DLG5: variants seen among roughly 807,000 people sequenced by gnomAD.
The protein encoded by DLG5 is discs large MAGUK scaffold protein 5.
In DLG5, 48 loss-of-function variants were observed where a neutral mutation model predicts 189.8. That is an observed-to-expected ratio of 0.25 (90% CI 0.20 to 0.32). The LOEUF is 0.32. DLG5 is among the 10% of genes least tolerant of loss of function. The probability of loss-of-function intolerance (pLI) is 1.00; values close to 1 mark genes in which losing one functional copy is unlikely to be tolerated. For synonymous variants in DLG5, 1,016 were observed against 1,054.1 expected, an observed-to-expected ratio of 0.96 and a Z score of 0.70; for missense variants, 2,160 against 2,544.7, an observed-to-expected ratio of 0.85 and a Z score of 3.25.
intron 27 of DLG5, among the ~76,000 whole-genome samples, chr10:77,798,394 A>C (rs1434575960): frequency 6.6e-6 from 1 of 152,046 alleles, no homozygotes; most frequent in East Asian, 1.9e-4. Context: ...TTCCTCCGAG[A>C]GGAGTTTACA....
At chr10:77,792,662 C>T in intron 31 of DLG5, 119 bp from the exon 32 acceptor site, 1 of 889,568 alleles carries the variant, frequency 1.1e-6, no homozygotes, top group Non-Finnish European at 1.8e-6. Context: ...CTCCTTGGCA[C>T]TCTGCTCCAT....
At chr10:77,880,180 G>A (rs974010953) in intron 1 of DLG5, among the ~76,000 whole-genome samples, 8 of 152,148 alleles carry the variant, frequency 5.3e-5, no homozygotes, top group South Asian at 4.2e-4. Context: ...ACAGCCGGGT[G>A]CAGTGGCTCA....
chr10:77,838,967 A>G (rs1843285547), intron 7 of DLG5, among the ~76,000 whole-genome samples: 1 of 152,224 alleles, frequency 6.6e-6, no homozygotes. Flanking sequence ...GGGCCTGGAA[A>G]AGATCCCTGC....
intron 1 of DLG5, among the ~76,000 whole-genome samples, chr10:77,897,970 C>G (rs1161794477): frequency 6.6e-6 from 1 of 152,116 alleles, no homozygotes; most frequent in African/African-American, 2.4e-5. Flanking sequence ...TAGCATAGCC[C>G]CTGAGGCTCC....
At chr10:77,878,520 G>A (rs1564570735) in intron 1 of DLG5, among the ~76,000 whole-genome samples, 1 of 152,126 alleles carries the variant, frequency 6.6e-6, no homozygotes, top group Non-Finnish European at 1.5e-5. Context: ...GGACAGTCAC[G>A]CAGCCTTCCC....
At chr10:77,811,309 G>C (rs1841760572) in intron 22 of DLG5, 75 bp from the exon 23 acceptor site, 8 of 1,539,084 alleles carry the variant, frequency 5.2e-6, no homozygotes, top group Non-Finnish European at 6.1e-6. Flanking sequence ...GTGGCAACTA[G>C]ATCTGAGCTA....
chr10:77,841,809 C>G (rs1431132646), intron 7 of DLG5, 72 bp downstream of exon 7: 2 of 1,527,324 alleles, frequency 1.3e-6, no homozygotes, highest in East Asian at 4.5e-5. Context: ...CCGGACACCA[C>G]GCACTCTGCA....
intron 30 of DLG5, among the ~76,000 whole-genome samples, chr10:77,794,643 G>C (rs558244975): frequency 3.3e-5 from 5 of 152,354 alleles, no homozygotes; most frequent in African/African-American, 1.2e-4. Flanking sequence ...GCGCGAGGAA[G>C]GGGCTGCGCT....
chr10:77,836,184 G>A (rs1035400881), intron 7 of DLG5, among the ~76,000 whole-genome samples: 1 of 152,130 alleles, frequency 6.6e-6, no homozygotes, highest in Non-Finnish European at 1.5e-5. Context: ...AAATACACCA[G>A]TATTCCTGCT....
intron 1 of DLG5, among the ~76,000 whole-genome samples, chr10:77,909,453 A>G (rs879890962): frequency 6.6e-6 from 1 of 152,096 alleles, no homozygotes; most frequent in Non-Finnish European, 1.5e-5. Flanking sequence ...GTGTATACCT[A>G]TGTAACAAGC....
At chr10:77,838,848 GCT>G (rs1296467268) in intron 7 of DLG5, among the ~76,000 whole-genome samples, 3 of 152,240 alleles carry the variant, frequency 2.0e-5, no homozygotes, top group South Asian at 4.1e-4. Flanking sequence ...GGTGGAGAGT[GCT>G]CTCTTATCCA....
At chr10:77,792,735 T>A in intron 31 of DLG5, 192 bp from the exon 32 acceptor site, 1 of 610,012 alleles carries the variant, frequency 1.6e-6, no homozygotes. Flanking sequence ...CTTGAGTTGA[T>A]CACTCATATG....
chr10:77,897,256 T>C (rs1845788367), intron 1 of DLG5, among the ~76,000 whole-genome samples: 1 of 152,046 alleles, frequency 6.6e-6, no homozygotes. Context: ...CTCAGGAGGC[T>C]GAGGCGGGAG....
chr10:77,819,019 T>C (rs1173725995), intron 17 of DLG5, among the ~76,000 whole-genome samples: 3 of 152,168 alleles, frequency 2.0e-5, no homozygotes, highest in African/African-American at 7.2e-5. Context: ...ACTTAGCCCA[T>C]GAGGTTGCTG....
chr10:77,876,707 A>AGAGAGGGAGGGAGGG (rs1554827477), intron 1 of DLG5, among the ~76,000 whole-genome samples: 1 of 69,904 alleles, frequency 1.4e-5, no homozygotes, highest in East Asian at 4.5e-4. Context: ...GGAAGGAAGG[A>AGAGAGGGAGGGAGGG]AGGGAGGGAG....
intron 20 of DLG5, chr10:77,815,936 G>A: frequency 2.7e-6 from 1 of 372,472 alleles, no homozygotes; most frequent in Non-Finnish European, 5.3e-6. Context: ...AGGTGCCTCT[G>A]GACAGACAGC....
rs763924214 is a variant in DLG5, at chr10:77,834,005, G to A, written c.1657C>T (p.Arg553Cys). ...GCCTCAGCCAGCTCGCTCACCGCACGGTCCCGCTCCCGCCTCAGGTTGTCA... is the reference window on the plus strand; with the variant it reads ...GCCTCAGCCAGCTCGCTCACCGCACAGTCCCGCTCCCGCCTCAGGTTGTCA... ...LCDNLRRERD[R>C]AVSELAEALR... The change falls in exon 9 of 32, where the codon CGT (arginine) becomes TGT (cysteine). Residue 553 changes from arginine (R) to cysteine (C), a missense_variant. By Grantham distance (180) the Arg-to-Cys change is radical (BLOSUM62 -3). Around this residue, in one of 5 missense-constraint regions of DLG5, gnomAD observed 664 missense variants for 838.5 expected, o/e 0.79. Coordinates refer to ENST00000372391, the MANE Select transcript of DLG5 (RefSeq NM_004747.4). The A allele has an allele frequency of 1.6e-5, 26 of 1,609,234 alleles. No individual in the cohort carries two copies. Among genetic ancestry groups the A allele is most frequent in the Admixed American group, 6.7e-5 (4 of 59,982 alleles).
Position 77,821,901 on chromosome 10 carries a change from T to G in DLG5, c.2583A>C (p.Pro861=). Residue 861 remains proline (P), a synonymous_variant, in exon 15 of 32, where the codon CCA becomes CCC. Transcript: ENST00000372391. ...TATGCAGAAAGGAGCTGCTGCCTCC[T>G]GGGGGGCCTGGCTCCTTCCTGTCTT... ...RLEDRKEPGP[P]GGSSSFLHKP... 1 of 1,614,196 alleles carries G rather than the reference T, an allele frequency of 6.2e-7. No individual in the cohort carries two copies. The highest frequency in any genetic ancestry group is 1.7e-5 in the Admixed American group (1 of 60,024).
intron 5 of DLG5, among the ~76,000 whole-genome samples, chr10:77,848,735 T>TA (rs67327400): frequency 0.25 from 38,401 of 151,242 alleles, 5,382 homozygotes; most frequent in Admixed American, 0.39. Context: ...TTTCAGGGAA[T>TA]AAAAATTAAA....
Sources: gnomAD v4.1 joint callset for allele counts (sites outside exome capture counted in the v4.1 genomes callset) on GRCh38, gnomAD v4.1.1 for gene constraint, gnomAD v4.1.1 regional missense constraint, MANE v1.5 for transcripts, NCBI Gene and HGNC (gene_info 2026-07-23, HGNC 2026-07-21) for gene names.